The following HS6ST1 variants were observed in gnomAD, a reference collection of about 807,000 sequenced individuals.
HS6ST1 encodes the protein heparan-sulfate 6-O-sulfotransferase 1.
In HS6ST1, 3 loss-of-function variants were observed where a neutral mutation model predicts 25.2. The observed-to-expected ratio is 0.12, with a 90% CI of 0.05 to 0.31. HS6ST1 has a LOEUF of 0.31. Ranked by LOEUF, HS6ST1 falls within the 10% of genes least tolerant of loss-of-function variation. The pLI, the probability that HS6ST1 is intolerant of heterozygous loss-of-function variation, is 1.00. For missense variants in HS6ST1, 310 were observed against 609.6 expected, an observed-to-expected ratio of 0.51 and a Z score of 5.18; for synonymous variants, 204 against 275.1, an observed-to-expected ratio of 0.74 and a Z score of 2.56.
At chr2:128,269,034 G>C (rs542930846) in intron 1 of HS6ST1, among the ~76,000 whole-genome samples, 164 bp from the exon 2 acceptor site, 13 of 152,354 alleles carry the variant, frequency 8.5e-5, no homozygotes, top group African/African-American at 2.9e-4. Flanking sequence ...CGGTATCAGA[G>C]ATGCCAAGGA....
chr2:128,269,027 T>C (rs978140312), intron 1 of HS6ST1, among the ~76,000 whole-genome samples, 157 bp from the exon 2 acceptor site: 2 of 152,208 alleles, frequency 1.3e-5, no homozygotes, highest in Non-Finnish European at 2.9e-5. Flanking sequence ...CAAAACCCGG[T>C]ATCAGAGATG....
chr2:128,292,780 C>T (rs6761320), intron 1 of HS6ST1, among the ~76,000 whole-genome samples: 80,258 of 150,330 alleles, frequency 0.53, 22,768 homozygotes, highest in East Asian at 0.77. Flanking sequence ...GCCATGGGGG[C>T]GGGCAGAGGA....
chr2:128,313,833 G>A (rs914953137), intron 1 of HS6ST1, among the ~76,000 whole-genome samples: 3 of 151,436 alleles, frequency 2.0e-5, no homozygotes, highest in Non-Finnish European at 4.4e-5. Flanking sequence ...GCTGTGGCTT[G>A]AAGACCACCA....
intron 1 of HS6ST1, among the ~76,000 whole-genome samples, chr2:128,272,747 C>T (rs1016855093): frequency 1.2e-4 from 18 of 152,132 alleles, no homozygotes; most frequent in African/African-American, 4.1e-4. Context: ...TTAGAGAAGC[C>T]GTGAGCAATT....
intron 1 of HS6ST1, among the ~76,000 whole-genome samples, chr2:128,284,288 T>A (rs1328626208): frequency 6.6e-6 from 1 of 151,592 alleles, no homozygotes; most frequent in African/African-American, 2.4e-5. Context: ...CCTGGTCCCC[T>A]CATCCACAGG....
chr2:128,313,758 C>A (rs1238769242), intron 1 of HS6ST1, among the ~76,000 whole-genome samples: 1 of 152,038 alleles, frequency 6.6e-6, no homozygotes, highest in Non-Finnish European at 1.5e-5. Context: ...TGGGACTGGG[C>A]TCTCTGATCC....
At chr2:128,280,514 G>A (rs970402037) in intron 1 of HS6ST1, among the ~76,000 whole-genome samples, 1 of 152,224 alleles carries the variant, frequency 6.6e-6, no homozygotes, top group African/African-American at 2.4e-5. Flanking sequence ...ACCCAGTGCC[G>A]CAGCACCAGG....
intron 1 of HS6ST1, among the ~76,000 whole-genome samples, chr2:128,284,228 A>C (rs977858893): frequency 6.6e-6 from 1 of 152,038 alleles, no homozygotes; most frequent in African/African-American, 2.4e-5. Context: ...CAGCTTAGGC[A>C]TCTCGGCTCC....
rs1215233273 is a variant in HS6ST1 at position 128,318,231 on chromosome 2, G to A, written c.333C>T (p.Arg111=). 1.3e-6 allele frequency: 2 copies of A among 1,551,428 alleles called. No individual in the cohort carries two copies. Among genetic ancestry groups the A allele is most frequent in the East Asian group, 2.4e-5 (1 of 42,420 alleles). The change falls in exon 1 of 2, where the codon CGC becomes CGT. Residue 111 remains arginine, a synonymous_variant. Coordinates refer to ENST00000259241, the MANE Select transcript of HS6ST1 (RefSeq NM_004807.3). This position sits in a 1 kb window ranked among gnomAD's most constrained non-coding sequence, Gnocchi z 5.7. ...TFGRHLVQNV[R]LEVPCDCRPG... ...GCCGGCAGTCGCACGGCACCTCGAG[G>A]CGTACGTTCTGCACGAGGTGGCGGC...
intron 1 of HS6ST1, among the ~76,000 whole-genome samples, chr2:128,310,346 G>A (rs1234608270): frequency 2.0e-5 from 3 of 152,208 alleles, no homozygotes; most frequent in African/African-American, 7.2e-5. Flanking sequence ...CAGACCACAC[G>A]CTGTGTGAGT....
In HS6ST1 at chr2:128,266,204, G is replaced by A. The variant is rs942851073; in HGVS notation, c.*1958C>T. On this transcript the variant is annotated 3_prime_UTR_variant, in exon 2 of 2. Transcript: ENST00000259241. The stretch of plus-strand genomic sequence containing the variant: ...TGTCCACCTCCTGCCGGGAAGCCAA[G>A]GTGCCCCACGTGGCTTGTGCAAGAC... 3 of 152,172 alleles carry A rather than the reference G, an allele frequency of 2.0e-5. No individual in the cohort carries two copies. Among genetic ancestry groups the A allele is most frequent in the African/African-American group, 7.2e-5 (3 of 41,452 alleles). The allele number at this position is 152,172 out of a possible 1,614,324, so 9.4% of individuals were successfully genotyped here.
intron 1 of HS6ST1, among the ~76,000 whole-genome samples, chr2:128,277,807 G>A (rs573668052): frequency 7.2e-5 from 11 of 152,388 alleles, no homozygotes; most frequent in African/African-American, 2.6e-4. Flanking sequence ...AATGCGCTAT[G>A]AAATAATTCT....
At chr2:128,296,099 C>T (rs1409218499) in intron 1 of HS6ST1, among the ~76,000 whole-genome samples, 4 of 152,214 alleles carry the variant, frequency 2.6e-5, no homozygotes, top group African/African-American at 7.2e-5. Context: ...AGGCAACAAG[C>T]CCTCACCAGT....
At chr2:128,286,324 T>G (rs1396392126) in intron 1 of HS6ST1, among the ~76,000 whole-genome samples, 1 of 152,212 alleles carries the variant, frequency 6.6e-6, no homozygotes, top group African/African-American at 2.4e-5. Flanking sequence ...CACAGCATCC[T>G]GCAGGGCCAG....
chr2:128,316,227 G>A (rs1694360901), intron 1 of HS6ST1, among the ~76,000 whole-genome samples: 1 of 152,266 alleles, frequency 6.6e-6, no homozygotes, highest in Non-Finnish European at 1.5e-5. Flanking sequence ...CGGGGCTGCA[G>A]GAAGAGCATC....
chr2:128,275,121 A>T (rs941674991), intron 1 of HS6ST1, among the ~76,000 whole-genome samples: 1 of 152,210 alleles, frequency 6.6e-6, no homozygotes, highest in Admixed American at 6.5e-5. Context: ...ATAGAAAATA[A>T]AGCAAGTAAA....
intron 1 of HS6ST1, among the ~76,000 whole-genome samples, chr2:128,283,871 G>C (rs1345364296): frequency 6.6e-6 from 1 of 152,180 alleles, no homozygotes; most frequent in African/African-American, 2.4e-5. Context: ...CTGCAAGCCT[G>C]GGTTAAAATG....
chr2:128,282,854 G>A lies in HS6ST1; in HGVS notation c.528-13984C>T, dbSNP rs147541810. 2.9e-3 allele frequency among the ~76,000 whole-genome samples: 441 copies of A among 152,332 alleles called. 3 individuals are homozygous for A. The highest frequency in any genetic ancestry group is 9.4e-3 in the African/African-American group (392 of 41,582). Reference sequence around the variant, plus strand: ...TGCCCAGGGCGCACAGCCCAGCCCGGCATGTTGGGCTCCAGGTGCTGCAGG... The same window carrying A: ...TGCCCAGGGCGCACAGCCCAGCCCGACATGTTGGGCTCCAGGTGCTGCAGG... On this transcript the variant is annotated intron_variant, in intron 1 of 1. Transcript: ENST00000259241.
At chr2:128,276,425 T>C (rs1693695085) in intron 1 of HS6ST1, among the ~76,000 whole-genome samples, 1 of 152,278 alleles carries the variant, frequency 6.6e-6, no homozygotes, top group East Asian at 1.9e-4. Context: ...CGTGAGCCAC[T>C]GAGCCCGGCC....
Sources: gnomAD v4.1 joint callset for allele counts (sites outside exome capture counted in the v4.1 genomes callset) on GRCh38, gnomAD v4.1.1 for gene constraint, Gnocchi (gnomAD v3.1) non-coding constraint, MANE v1.5 for transcripts, NCBI Gene and HGNC (gene_info 2026-07-23, HGNC 2026-07-21) for gene names.